Variants in TEX11 observed in about 807,000 individuals in gnomAD.
The protein encoded by TEX11 is testis expressed 11.
Under a neutral mutation model 84.4 loss-of-function variants are expected in TEX11, and 7 were observed. That is an observed-to-expected ratio of 0.08 (90% CI 0.05 to 0.16). The LOEUF (loss-of-function observed/expected upper bound fraction) is 0.16, where lower values mean the gene tolerates loss of function less well. Ranked by LOEUF, TEX11 falls within the 10% of genes least tolerant of loss-of-function variation. TEX11 has a pLI of 1.00. For missense variants in TEX11, 551 were observed against 660.5 expected, an observed-to-expected ratio of 0.83 and a Z score of 1.82; for synonymous variants, 264 against 222.8, an observed-to-expected ratio of 1.18 and a Z score of -1.64.
At chrX:70,708,007 G>A (rs1286434664) in intron 13 of TEX11, among the ~76,000 whole-genome samples, 3 of 110,074 alleles carry the variant, frequency 2.7e-5, no homozygotes, top group Non-Finnish European at 3.8e-5. Flanking sequence ...ACAAACTATG[G>A]ATCTAACAAA....
At chrX:70,869,031 TTAAAG>T (rs2091614369) in intron 4 of TEX11, among the ~76,000 whole-genome samples, 1 of 65,947 alleles carries the variant, frequency 1.5e-5, no homozygotes, top group Non-Finnish European at 2.6e-5. Context: ...ATCCCAGAAC[TTAAAG>T]TAAAATAAAA....
chrX:70,852,996 A>G, intron 7 of TEX11, 38 bp downstream of exon 7: 1 of 1,190,699 alleles, frequency 8.4e-7, no homozygotes, highest in Non-Finnish European at 1.1e-6. Flanking sequence ...CATATGGAAA[A>G]TGCCCCACTG....
chrX:70,556,518 A>T (rs1051494572), intron 25 of TEX11, among the ~76,000 whole-genome samples: 10 of 111,758 alleles, frequency 8.9e-5, no homozygotes. Context: ...ATACTTTTAA[A>T]TTTTTTGAAG....
At chrX:70,879,017 A>C (rs1298060733) in intron 3 of TEX11, among the ~76,000 whole-genome samples, 3 of 112,073 alleles carry the variant, frequency 2.7e-5, no homozygotes, top group Non-Finnish European at 5.6e-5. Context: ...GAAAACAGTC[A>C]GTAAACCACA....
downstream of TEX11, among the ~76,000 whole-genome samples, chrX:70,527,981 T>C (rs894658625): frequency 4.5e-5 from 5 of 112,311 alleles, no homozygotes; most frequent in Non-Finnish European, 9.4e-5. Flanking sequence ...TGTAATCTTA[T>C]GGTACACTAA....
At chrX:70,617,584 G>A (rs955692210) in intron 20 of TEX11, among the ~76,000 whole-genome samples, 1 of 109,666 alleles carries the variant, frequency 9.1e-6, no homozygotes, top group Non-Finnish European at 1.9e-5. Flanking sequence ...GAAGCAGAAA[G>A]TCAAATGCCA....
In TEX11 at chrX:70,712,935, G is replaced by T. The variant is rs375390219; in HGVS notation, c.1004+9683C>A. Reference sequence around the variant, plus strand: ...TGATATAGGCTGTGGGTTTGTCATAGATAGCTCTTATTATTTTGAGATACA... The same window carrying T: ...TGATATAGGCTGTGGGTTTGTCATATATAGCTCTTATTATTTTGAGATACA... On this transcript the variant is annotated intron_variant, in intron 13 of 29. Coordinates refer to ENST00000374333, the MANE Select transcript of TEX11 (RefSeq NM_031276.3). Among the ~76,000 whole-genome samples, 13 of 111,396 alleles carry T rather than the reference G, an allele frequency of 1.2e-4. No homozygotes were observed. In the South Asian group the frequency reaches 4.9e-3, roughly 42 times the overall value.
At chrX:70,605,310 T>G (rs2089183088) in intron 24 of TEX11, 91 bp downstream of exon 24, 2 of 577,560 alleles carry the variant, frequency 3.5e-6, no homozygotes, top group South Asian at 3.4e-5. Context: ...AAGGATTCTC[T>G]AAAGAGAATC....
At chrX:70,816,319 G>A (rs1403755770) in intron 8 of TEX11, among the ~76,000 whole-genome samples, 1 of 112,137 alleles carries the variant, frequency 8.9e-6, no homozygotes, top group East Asian at 2.8e-4. Flanking sequence ...GTGGCCACTT[G>A]AATAACAGGT....
chrX:70,884,757 G>A (rs4551517), intron 2 of TEX11, among the ~76,000 whole-genome samples: 20,464 of 109,539 alleles, frequency 0.19, 1,544 homozygotes, highest in Middle Eastern at 0.22. Flanking sequence ...TCACAGCAGT[G>A]TATTGTAGTT....
At chrX:70,721,652 G>A (rs2090560344) in intron 13 of TEX11, among the ~76,000 whole-genome samples, 2 of 111,770 alleles carry the variant, frequency 1.8e-5, no homozygotes, top group South Asian at 7.4e-4. Flanking sequence ...ATGGCCTGCA[G>A]TCCAGCTGCT....
At chrX:70,836,888 G>A (rs1370662422) in intron 7 of TEX11, among the ~76,000 whole-genome samples, 4 of 110,702 alleles carry the variant, frequency 3.6e-5, no homozygotes, top group East Asian at 2.9e-4. Flanking sequence ...ATGGTGGCAC[G>A]CACCTGTAGT....
At chrX:70,805,119 G>C (rs1199733578) in intron 9 of TEX11, among the ~76,000 whole-genome samples, 1 of 109,377 alleles carries the variant, frequency 9.1e-6, no homozygotes, top group Non-Finnish European at 1.9e-5. Context: ...TGTTCTATTA[G>C]GAATAGTTCT....
rs199967251 is a variant in TEX11 at position 70,644,932 on chromosome X, TA to T, written c.1483+6517del. Among the ~76,000 whole-genome samples the T allele has an allele frequency of 9.7e-3, 1,039 of 107,331 alleles. 14 individuals are homozygous for T. Among genetic ancestry groups the T allele is most frequent in the African/African-American group, 0.032 (942 of 29,503 alleles). The allele number at this position is 107,331 out of a possible 115,157, so 93.2% of individuals were successfully genotyped here. A position where few individuals can be genotyped will look rare whatever the true frequency, so the allele number is the denominator to read the frequency against. On this transcript the variant is annotated intron_variant, in intron 17 of 29. Transcript: ENST00000374333. ...AAACTTAAAGTATAATAAAAAAAATTAAAAAAAGATAAATAAAATAAAAAAA... is the reference window on the plus strand; with the variant it reads ...AAACTTAAAGTATAATAAAAAAAATTAAAAAAGATAAATAAAATAAAAAAA...
At chrX:70,725,390 A>G in intron 11 of TEX11, 47 bp from the exon 12 acceptor site, 1 of 964,038 alleles carries the variant, frequency 1.0e-6, no homozygotes, top group Non-Finnish European at 1.4e-6. Context: ...TGTGGAATGT[A>G]AAAGACAATT....
chrX:70,645,025 A>T (rs900211317), intron 17 of TEX11, among the ~76,000 whole-genome samples: 1 of 111,225 alleles, frequency 9.0e-6, no homozygotes, highest in Non-Finnish European at 1.9e-5. Flanking sequence ...ATGAACAATT[A>T]TGTACCAAGA....
chrX:70,801,986 C>T (rs905663783), intron 9 of TEX11, among the ~76,000 whole-genome samples: 1 of 111,207 alleles, frequency 9.0e-6, no homozygotes, highest in South Asian at 3.7e-4. Context: ...CTGCTAATAT[C>T]GCAAAAAACA....
intron 13 of TEX11, among the ~76,000 whole-genome samples, chrX:70,707,046 A>G (rs1426069356): frequency 3.6e-5 from 4 of 110,980 alleles, no homozygotes; most frequent in Non-Finnish European, 7.6e-5. Flanking sequence ...TCTCGGATTC[A>G]TTAGTCATCA....
intron 8 of TEX11, among the ~76,000 whole-genome samples, chrX:70,816,667 G>A (rs1428466151): frequency 9.2e-6 from 1 of 109,023 alleles, no homozygotes; most frequent in Non-Finnish European, 1.9e-5. Flanking sequence ...AGCCAAGATC[G>A]TGCCACTGCA....
Sources: allele counts gnomAD v4.1 joint callset (sites outside exome capture counted in the v4.1 genomes callset), GRCh38; gene constraint gnomAD v4.1.1; transcripts MANE v1.5; gene names NCBI Gene and HGNC (gene_info 2026-07-23, HGNC 2026-07-21).